DOCK4: variants seen among roughly 807,000 people sequenced by gnomAD.
DOCK4 encodes dedicator of cytokinesis 4, also known as dedicator of cytokinesis protein 4.
Under a neutral mutation model 268.1 loss-of-function variants are expected in DOCK4, and 97 were observed. The ratio of observed to expected loss-of-function variants is 0.36; its 90% CI spans 0.31 to 0.43. The LOEUF (loss-of-function observed/expected upper bound fraction) is 0.43, where lower values mean the gene tolerates loss of function less well. Ranked by LOEUF, DOCK4 falls within the 20% of genes least tolerant of loss-of-function variation. DOCK4 has a pLI of 1.00. For synonymous variants in DOCK4, 954 were observed against 887.2 expected, an observed-to-expected ratio of 1.08 and a Z score of -1.34; for missense variants, 2,145 against 2,455.7, an observed-to-expected ratio of 0.87 and a Z score of 2.67.
chr7:111,736,593 T>C (rs570703428), intron 50 of DOCK4, among the ~76,000 whole-genome samples: 11 of 152,278 alleles, frequency 7.2e-5, no homozygotes, highest in Admixed American at 2.0e-4. Context: ...GCTATTTTCA[T>C]TGTGCTGAAC....
chr7:112,080,723 G>A (rs550457742), intron 1 of DOCK4, among the ~76,000 whole-genome samples: 8 of 152,198 alleles, frequency 5.3e-5, no homozygotes, highest in East Asian at 3.9e-4. Flanking sequence ...TTCGTTCAAC[G>A]CATATTTACA....
At chr7:112,156,989 G>A (rs944235382) in intron 1 of DOCK4, among the ~76,000 whole-genome samples, 6 of 147,696 alleles carry the variant, frequency 4.1e-5, no homozygotes, top group Non-Finnish European at 7.5e-5. Flanking sequence ...GTTAACATAC[G>A]TGAAAAAAAG....
intron 1 of DOCK4, among the ~76,000 whole-genome samples, chr7:112,082,026 T>C (rs1293005107): frequency 6.8e-6 from 1 of 147,320 alleles, no homozygotes; most frequent in Admixed American, 6.7e-5. Context: ...CAAATGGATG[T>C]CATCAGAGTA....
intron 1 of DOCK4, among the ~76,000 whole-genome samples, chr7:112,034,029 T>A (rs1018717367): frequency 6.6e-6 from 1 of 152,158 alleles, no homozygotes; most frequent in African/African-American, 2.4e-5. Flanking sequence ...CTCAGCTCTC[T>A]CAAACCTAAT....
chr7:112,142,297 T>C (rs1815009507), intron 1 of DOCK4, among the ~76,000 whole-genome samples: 1 of 152,158 alleles, frequency 6.6e-6, no homozygotes, highest in African/African-American at 2.4e-5. Flanking sequence ...TCTAGGATCA[T>C]TATTGAAGAG....
chr7:111,861,222 A>G (rs1276124557), intron 23 of DOCK4, among the ~76,000 whole-genome samples: 1 of 152,208 alleles, frequency 6.6e-6, no homozygotes, highest in African/African-American at 2.4e-5. Flanking sequence ...GAAAACCACT[A>G]CAAGAAATAT....
At chr7:112,084,302 T>C (rs1369580075) in intron 1 of DOCK4, among the ~76,000 whole-genome samples, 1 of 152,204 alleles carries the variant, frequency 6.6e-6, no homozygotes, top group Non-Finnish European at 1.5e-5. Context: ...GATGTTTAAA[T>C]TGCTTCCGCT....
intron 1 of DOCK4, among the ~76,000 whole-genome samples, chr7:112,182,721 A>G (rs1401184650): frequency 6.6e-6 from 1 of 152,248 alleles, no homozygotes; most frequent in Non-Finnish European, 1.5e-5. Flanking sequence ...AGCAGGTCAA[A>G]CTGAAGTCAG....
intron 1 of DOCK4, among the ~76,000 whole-genome samples, chr7:112,006,970 G>A (rs747189641): frequency 8.5e-5 from 13 of 152,162 alleles, no homozygotes; most frequent in Non-Finnish European, 1.3e-4. Context: ...GCAGACCTCA[G>A]TGCTTTTACA....
At chr7:111,911,874 T>C (rs1240278954) in intron 13 of DOCK4, among the ~76,000 whole-genome samples, 1 of 152,144 alleles carries the variant, frequency 6.6e-6, no homozygotes, top group African/African-American at 2.4e-5. Flanking sequence ...TTTTTTTTGT[T>C]GTTGAAGAGG....
At chr7:111,901,126 G>A (rs1791106079) in intron 14 of DOCK4, among the ~76,000 whole-genome samples, 1 of 152,132 alleles carries the variant, frequency 6.6e-6, no homozygotes, top group South Asian at 2.1e-4. Context: ...TTGAGGCCAG[G>A]AGTTCGAGAC....
Position 111,817,800 on chromosome 7 carries a change from C to T in DOCK4, c.2930+4562G>A, listed in dbSNP as rs1801669557. Among the ~76,000 whole-genome samples, 3 of 152,210 alleles carry T rather than the reference C, an allele frequency of 2.0e-5. 1 individual carries two copies. Among genetic ancestry groups the T allele is most frequent in the Non-Finnish European group, 4.4e-5 (3 of 68,040 alleles). On this transcript the variant is annotated intron_variant, in intron 27 of 52. Coordinates refer to ENST00000428084, the MANE Select transcript of DOCK4 (RefSeq NM_001363540.2). ...AAAGGAATCCCAGTCCTCACATCTC[C>T]TTCCAGATACAGCCCTGTTTCTATG... is the stretch of plus-strand genomic sequence containing the variant.
chr7:111,809,223 A>T (rs1346476616), intron 29 of DOCK4, 78 bp downstream of exon 29: 9 of 1,180,864 alleles, frequency 7.6e-6, no homozygotes, highest in Non-Finnish European at 1.1e-5. Flanking sequence ...AGTTATGCGC[A>T]TTCTGATTTA....
intron 23 of DOCK4, 115 bp from the exon 24 acceptor site, chr7:111,847,241 T>C: frequency 7.8e-7 from 1 of 1,284,360 alleles, no homozygotes; most frequent in South Asian, 1.5e-5. Context: ...ACACATGTAG[T>C]TACAAAGGTA....
At chr7:111,828,227 A>C (rs1261994441) in intron 26 of DOCK4, among the ~76,000 whole-genome samples, 1 of 152,212 alleles carries the variant, frequency 6.6e-6, no homozygotes, top group African/African-American at 2.4e-5. Flanking sequence ...ACAGAGTACC[A>C]GCCCTCAGGT....
In DOCK4 at chr7:111,872,054, G is replaced by A; in HGVS notation, c.1963C>T (p.His655Tyr). ...GTGTCCATTACAGGTTTAAAATGAT[G>A]AAATTTGCTATCTTGCAGCAAATTT... ...IINLLQDSKF[H>Y]HFKPVMDTYI... The change falls in exon 20 of 53, where the codon CAT becomes TAT. Residue 655 changes from histidine (H) to tyrosine (Y), a missense_variant. Around this residue, in one of 2 missense-constraint regions of DOCK4, gnomAD observed 1,598 missense variants for 1,986.7 expected, o/e 0.80. Coordinates refer to ENST00000428084, the MANE Select transcript of DOCK4 (RefSeq NM_001363540.2). 1.3e-6 allele frequency: 2 copies of A among 1,553,820 alleles called. No individual in the cohort carries two copies. The highest frequency in any genetic ancestry group is 2.0e-5 in the Admixed American group (1 of 51,172).
intron 44 of DOCK4, among the ~76,000 whole-genome samples, chr7:111,746,107 C>CAA (rs1191388258): frequency 1.3e-5 from 2 of 152,144 alleles, no homozygotes; most frequent in African/African-American, 4.8e-5. Flanking sequence ...AAAGGATACT[C>CAA]AACCTGTAAC....
At position 111,984,782 on chromosome 7, in the gene DOCK4, A is replaced by G. The variant is rs1289186012; in HGVS notation, c.465-392T>C. Reference sequence around the variant, plus strand: ...GTTCTAGAAATTGGAGTTGAGGGGAAGGAAATTTGGTCTTTAGAATTTGAC... The same window carrying G: ...GTTCTAGAAATTGGAGTTGAGGGGAGGGAAATTTGGTCTTTAGAATTTGAC... On this transcript the variant is annotated intron_variant, in intron 6 of 52. Coordinates refer to ENST00000428084, the MANE Select transcript of DOCK4 (RefSeq NM_001363540.2). 2.6e-5 allele frequency among the ~76,000 whole-genome samples: 4 copies of G among 152,194 alleles called. No individual in the cohort carries two copies. The East Asian group carries it at 7.7e-4, about 29-fold the overall frequency.
chr7:111,912,697 A>C (rs1386388934), intron 13 of DOCK4, among the ~76,000 whole-genome samples: 1 of 152,100 alleles, frequency 6.6e-6, no homozygotes, highest in Non-Finnish European at 1.5e-5. Flanking sequence ...AAAGAGAAAG[A>C]AAATAAGAGG....
Sources: gnomAD v4.1 joint callset for allele counts (sites outside exome capture counted in the v4.1 genomes callset) on GRCh38, gnomAD v4.1.1 for gene constraint, gnomAD v4.1.1 regional missense constraint, MANE v1.5 for transcripts, NCBI Gene and HGNC (gene_info 2026-07-23, HGNC 2026-07-21) for gene names.